Variants in OR9Q1 observed in about 807,000 individuals in gnomAD.
OR9Q1 encodes the protein olfactory receptor family 9 subfamily Q member 1.
For missense variants in OR9Q1, 374 were observed against 378.8 expected, an observed-to-expected ratio of 0.99 and a Z score of 0.11; for synonymous variants, 153 against 148.6, an observed-to-expected ratio of 1.03 and a Z score of -0.22.
intron 2 of OR9Q1, among the ~76,000 whole-genome samples, chr11:58,172,251 A>T (rs760751966): frequency 2.0e-5 from 3 of 152,188 alleles, no homozygotes; most frequent in African/African-American, 4.8e-5. Flanking sequence ...GGGCACAGGG[A>T]TGTTGGCTAT....
chr11:58,075,944 A>G (rs752051118), intron 2 of OR9Q1, among the ~76,000 whole-genome samples: 2 of 152,224 alleles, frequency 1.3e-5, no homozygotes, highest in African/African-American at 2.4e-5. Context: ...TCAGGGATCA[A>G]CAATCTATGA....
At chr11:58,171,025 A>G (rs1425068352) in intron 2 of OR9Q1, 2 of 152,194 alleles carry the variant, frequency 1.3e-5, no homozygotes, top group African/African-American at 4.8e-5. Flanking sequence ...GCTATAAGGA[A>G]CATGGAATAT....
chr11:58,053,250 G>A (rs1157436545), intron 1 of OR9Q1, among the ~76,000 whole-genome samples: 19 of 151,704 alleles, frequency 1.3e-4, no homozygotes, highest in Admixed American at 2.0e-4. Flanking sequence ...CATATTCACC[G>A]TGGAATACTA....
At chr11:58,030,157 G>T (rs762544274) in intron 1 of OR9Q1, among the ~76,000 whole-genome samples, 41 of 152,038 alleles carry the variant, frequency 2.7e-4, no homozygotes, top group Non-Finnish European at 5.0e-4. Flanking sequence ...CTCTTATCTT[G>T]TTCCCCTCCA....
At chr11:58,170,163 C>CT (rs1420683789) in intron 2 of OR9Q1, among the ~76,000 whole-genome samples, 1 of 152,088 alleles carries the variant, frequency 6.6e-6, no homozygotes, top group Non-Finnish European at 1.5e-5. Flanking sequence ...ATAAGTATCC[C>CT]TTTTTTCAGA....
At chr11:58,140,046 G>C (rs2119864675) in intron 2 of OR9Q1, among the ~76,000 whole-genome samples, 1 of 152,198 alleles carries the variant, frequency 6.6e-6, no homozygotes, top group African/African-American at 2.4e-5. Context: ...ATGATGATGA[G>C]CATTTTTTCA....
intron 2 of OR9Q1, among the ~76,000 whole-genome samples, chr11:58,128,580 A>C (rs544483918): frequency 8.3e-4 from 126 of 152,278 alleles, no homozygotes; most frequent in African/African-American, 2.9e-3. Flanking sequence ...TTATAAAGAA[A>C]ATATAAGTGA....
At chr11:58,170,769 C>T (rs1470619453) in intron 2 of OR9Q1, among the ~76,000 whole-genome samples, 1 of 152,162 alleles carries the variant, frequency 6.6e-6, no homozygotes, top group Non-Finnish European at 1.5e-5. Flanking sequence ...GTGCCTTTCA[C>T]CTTCTGCCAT....
chr11:58,078,928 T>C (rs1853564557), intron 2 of OR9Q1, among the ~76,000 whole-genome samples: 1 of 152,226 alleles, frequency 6.6e-6, no homozygotes, highest in Non-Finnish European at 1.5e-5. Context: ...GACATTCACC[T>C]TACAAGTGAT....
intron 1 of OR9Q1, among the ~76,000 whole-genome samples, chr11:58,038,650 A>G (rs1350911404): frequency 7.2e-6 from 1 of 138,298 alleles, no homozygotes; most frequent in Non-Finnish European, 1.6e-5. Context: ...CTTGGTGAGA[A>G]TGACTGGATC....
At chr11:58,144,339 C>G (rs1342952865) in intron 2 of OR9Q1, among the ~76,000 whole-genome samples, 1 of 151,910 alleles carries the variant, frequency 6.6e-6, no homozygotes, top group African/African-American at 2.4e-5. Flanking sequence ...TCATCCATGT[C>G]CCTACAAAGG....
chr11:58,032,696 T>G (rs1447237013), intron 1 of OR9Q1, among the ~76,000 whole-genome samples: 1 of 152,162 alleles, frequency 6.6e-6, no homozygotes, highest in Non-Finnish European at 1.5e-5. Context: ...TTCTGGACAT[T>G]GGTCTTGGGA....
At chr11:58,138,689 A>T (rs1854212338) in intron 2 of OR9Q1, among the ~76,000 whole-genome samples, 1 of 152,210 alleles carries the variant, frequency 6.6e-6, no homozygotes. Context: ...TATGCAGTAC[A>T]ATGTGATGCT....
At chr11:58,154,207 A>G (rs1854383477) in intron 2 of OR9Q1, among the ~76,000 whole-genome samples, 1 of 150,794 alleles carries the variant, frequency 6.6e-6, no homozygotes, top group Non-Finnish European at 1.5e-5. Flanking sequence ...GGGGGAGGAG[A>G]AGGAGGAAGG....
chr11:58,125,624 G>T (rs1854083816), intron 2 of OR9Q1: 1 of 152,198 alleles, frequency 6.6e-6, no homozygotes, highest in Non-Finnish European at 1.5e-5. Context: ...TGGGAGGGAT[G>T]CAGTGATCTC....
At position 58,031,392 on chromosome 11, in the gene OR9Q1, G is replaced by A. The variant is rs746032040; in HGVS notation, c.-93+7288G>A. 1.9e-5 allele frequency: 31 copies of A among 1,614,012 alleles called. No homozygotes were observed. Among genetic ancestry groups the A allele is most frequent in the African/African-American group, 6.7e-5 (5 of 74,914 alleles). ...TTTGTGTCCTGGGGCACCTGCATCC[G>A]TCTGGCAGCTGCCTGTTGGCTGGTA... On this transcript the variant is annotated intron_variant, in intron 1 of 2. Transcript: ENST00000335397.
intron 1 of OR9Q1, chr11:58,031,772 T>A (rs1853043100): frequency 6.2e-7 from 1 of 1,613,950 alleles, no homozygotes. Flanking sequence ...CTCCATCAAC[T>A]TCAACAAGGT....
intron 2 of OR9Q1, among the ~76,000 whole-genome samples, chr11:58,165,346 T>A (rs1854490838): frequency 6.6e-6 from 1 of 152,230 alleles, no homozygotes; most frequent in Non-Finnish European, 1.5e-5. Flanking sequence ...CTGTCCCTGA[T>A]CATTTAATAT....
chr11:58,083,956 C>T (rs1031907173), intron 2 of OR9Q1, among the ~76,000 whole-genome samples: 6 of 151,716 alleles, frequency 4.0e-5, no homozygotes, highest in Non-Finnish European at 8.8e-5. Context: ...TTTTTTCTTC[C>T]ATATGAATTT....
Sources: allele counts gnomAD v4.1 joint callset (sites outside exome capture counted in the v4.1 genomes callset), GRCh38; gene constraint gnomAD v4.1.1; transcripts MANE v1.5; gene names NCBI Gene and HGNC (gene_info 2026-07-23, HGNC 2026-07-21).